Variants in DPYD observed in about 807,000 individuals in gnomAD.
DPYD encodes dihydropyrimidine dehydrogenase [NADP(+)].
DPYD carries 109 observed loss-of-function variants against 116.2 expected under a neutral mutation model. The observed-to-expected ratio is 0.94, with a 90% CI of 0.80 to 1.10. The LOEUF (loss-of-function observed/expected upper bound fraction) is 1.10. Among genes scored for constraint, DPYD ranks in the 50% least tolerant of loss-of-function variants. The pLI is 0.00. For missense variants in DPYD, 1,302 were observed against 1,254.5 expected (o/e 1.04, Z -0.57); for synonymous variants, 440 against 432.0 (o/e 1.02, Z -0.23).
intron 5 of DPYD, among the ~76,000 whole-genome samples, chr1:97,708,245 G>T (rs61790063): frequency 0.13 from 19,031 of 151,860 alleles, 1,278 homozygotes; most frequent in African/African-American, 0.15. Context: ...TCATCTACAT[G>T]GTCTCCCATG....
chr1:97,911,544 G>T (rs970132560), intron 1 of DPYD, among the ~76,000 whole-genome samples: 4 of 151,878 alleles, frequency 2.6e-5, no homozygotes, highest in Non-Finnish European at 5.9e-5. Context: ...TGAGTCAAAA[G>T]TAGTTACACT....
intron 11 of DPYD, among the ~76,000 whole-genome samples, chr1:97,556,079 G>C (rs539589159): frequency 6.6e-6 from 1 of 152,278 alleles, no homozygotes; most frequent in Non-Finnish European, 1.5e-5. Flanking sequence ...TGAGGTGAGT[G>C]AGGCAGACAA....
intron 16 of DPYD, among the ~76,000 whole-genome samples, chr1:97,362,608 T>C (rs893356526): frequency 3.0e-4 from 46 of 152,272 alleles, no homozygotes; most frequent in East Asian, 3.9e-4. Context: ...AAGAGCTATA[T>C]AGACCAACGG....
intron 1 of DPYD, among the ~76,000 whole-genome samples, chr1:97,894,925 A>G (rs1278468501): frequency 6.6e-6 from 1 of 151,758 alleles, no homozygotes; most frequent in African/African-American, 2.4e-5. Flanking sequence ...ATGAAAATAC[A>G]CGTTGGAATA....
chr1:97,194,435 A>C (rs949625446), intron 19 of DPYD, among the ~76,000 whole-genome samples: 1 of 152,122 alleles, frequency 6.6e-6, no homozygotes, highest in Non-Finnish European at 1.5e-5. Context: ...CTCCCCCAGA[A>C]ATGTTGAACT....
chr1:97,740,993 T>C (rs1664232778), intron 3 of DPYD, among the ~76,000 whole-genome samples: 2 of 152,062 alleles, frequency 1.3e-5, no homozygotes, highest in Non-Finnish European at 2.9e-5. Flanking sequence ...TCAGCCTCCA[T>C]CCCATTCACA....
In DPYD at chr1:97,648,857, T is replaced by C. The variant is rs374796357; in HGVS notation, c.850+30238A>G. On this transcript the variant is annotated intron_variant, in intron 8 of 22. Coordinates refer to ENST00000370192, the MANE Select transcript of DPYD (RefSeq NM_000110.4). The stretch of plus-strand genomic sequence containing the variant: ...TGGAATGGAAGACTCTTAGAAACTA[T>C]GTATAAGCATACGGCTACTGTTACC... Among the ~76,000 whole-genome samples the C allele has an allele frequency of 2.6e-5, 4 of 152,192 alleles. No homozygotes were observed. The South Asian group carries it at 8.3e-4, about 32-fold the overall frequency.
chr1:97,264,756 G>A (rs1000292381), intron 18 of DPYD, among the ~76,000 whole-genome samples: 2 of 151,932 alleles, frequency 1.3e-5, no homozygotes, highest in African/African-American at 2.4e-5. Flanking sequence ...ACAAGGCAAA[G>A]CTAATTTATA....
At chr1:97,174,195 C>G (rs1022222230) in intron 20 of DPYD, among the ~76,000 whole-genome samples, 1 of 152,118 alleles carries the variant, frequency 6.6e-6, no homozygotes, top group African/African-American at 2.4e-5. Context: ...TATCGGCAAT[C>G]AATTTAAGGT....
At chr1:97,899,006 T>G (rs974989989) in intron 1 of DPYD, among the ~76,000 whole-genome samples, 1 of 151,840 alleles carries the variant, frequency 6.6e-6, no homozygotes, top group Non-Finnish European at 1.5e-5. Flanking sequence ...ACACTAAGCA[T>G]TCCCAAGAAA....
At chr1:97,253,669 C>G (rs1663257762) in intron 18 of DPYD, among the ~76,000 whole-genome samples, 1 of 152,066 alleles carries the variant, frequency 6.6e-6, no homozygotes, top group Non-Finnish European at 1.5e-5. Context: ...ATTACTTTGA[C>G]AAATTCTTAA....
At chr1:97,361,359 G>A (rs1448424395) in intron 16 of DPYD, among the ~76,000 whole-genome samples, 3 of 152,098 alleles carry the variant, frequency 2.0e-5, no homozygotes, top group Non-Finnish European at 2.9e-5. Flanking sequence ...ATTCACAGCC[G>A]AATTCTACCA....
At chr1:97,906,254 T>C (rs532055379) in intron 1 of DPYD, among the ~76,000 whole-genome samples, 2 of 152,200 alleles carry the variant, frequency 1.3e-5, no homozygotes, top group South Asian at 4.1e-4. Flanking sequence ...CTTTATCATT[T>C]ATTAAATATA....
chr1:97,310,751 T>C (rs1667462212), intron 16 of DPYD, among the ~76,000 whole-genome samples: 1 of 151,764 alleles, frequency 6.6e-6, no homozygotes, highest in South Asian at 2.1e-4. Context: ...CTCTTAATTA[T>C]ATATACAAGT....
intron 20 of DPYD, among the ~76,000 whole-genome samples, chr1:97,144,752 G>C (rs1488410887): frequency 6.6e-6 from 1 of 152,164 alleles, no homozygotes; most frequent in East Asian, 1.9e-4. Context: ...TGGTTGATCA[G>C]AAAAGCAGTG....
intron 12 of DPYD, among the ~76,000 whole-genome samples, chr1:97,524,205 C>T (rs183855585): frequency 6.6e-6 from 1 of 152,092 alleles, no homozygotes; most frequent in Non-Finnish European, 1.5e-5. Flanking sequence ...CCCTTAGATG[C>T]AGAAAAGAAA....
intron 8 of DPYD, among the ~76,000 whole-genome samples, chr1:97,627,654 T>C (rs1003787818): frequency 6.6e-6 from 1 of 152,058 alleles, no homozygotes; most frequent in Non-Finnish European, 1.5e-5. Flanking sequence ...ACTTGTAAAA[T>C]TCCTCAATTT....
At chr1:97,143,378 C>G (rs1347581581) in intron 20 of DPYD, among the ~76,000 whole-genome samples, 1 of 152,050 alleles carries the variant, frequency 6.6e-6, no homozygotes, top group Non-Finnish European at 1.5e-5. Context: ...CCACTCAGAG[C>G]AAATTATTTG....
intron 4 of DPYD, among the ~76,000 whole-genome samples, chr1:97,722,912 G>A (rs1571249374): frequency 6.6e-6 from 1 of 151,286 alleles, no homozygotes; most frequent in Non-Finnish European, 1.5e-5. Context: ...CCAAACGCCT[G>A]ATAATAATAA....
Sources: gnomAD v4.1 joint callset for allele counts (sites outside exome capture counted in the v4.1 genomes callset) on GRCh38, gnomAD v4.1.1 for gene constraint, MANE v1.5 for transcripts, NCBI Gene and HGNC (gene_info 2026-07-23, HGNC 2026-07-21) for gene names.